Variants in MCTP2 observed in about 807,000 individuals in gnomAD.
MCTP2 encodes the protein multiple C2 and transmembrane domain-containing protein 2.
Under a neutral mutation model 111.6 loss-of-function variants are expected in MCTP2, and 132 were observed. The observed-to-expected ratio is 1.18, with a 90% CI of 1.03 to 1.37. The LOEUF (loss-of-function observed/expected upper bound fraction) is 1.37. Ranked by LOEUF, MCTP2 falls within the 40% of genes most tolerant of loss-of-function variation. The pLI is 0.00. For missense variants in MCTP2, 1,183 were observed against 1,067.9 expected (o/e 1.11, Z -1.50); for synonymous variants, 395 against 387.7 (o/e 1.02, Z -0.22).
chr15:94,242,649 TGTTA>T (rs2071060189), intron 1 of MCTP2, among the ~76,000 whole-genome samples: 1 of 152,036 alleles, frequency 6.6e-6, no homozygotes, highest in Non-Finnish European at 1.5e-5. Context: ...AACTTGAGGC[TGTTA>T]TTTTTAGAGA....
Position 94,322,263 on chromosome 15 carries a change from AG to A in MCTP2, c.637+6629del, listed in dbSNP as rs199766392. Among the ~76,000 whole-genome samples, 627 of 151,890 alleles carry A rather than the reference AG, an allele frequency of 4.1e-3. 20 individuals are homozygous for A. The highest frequency in any genetic ancestry group is 0.034 in the Admixed American group (518 of 15,252). ...TTGACCATGGAGGAGCAGCAGCTTT[AG>A]GGCCTTTAATTCCAATTGCACAGCC... On this transcript the variant is annotated intron_variant, in intron 4 of 22. Coordinates refer to ENST00000357742, the MANE Select transcript of MCTP2 (RefSeq NM_001385001.1).
chr15:94,336,676 C>CATATATATAT (rs10644556), intron 4 of MCTP2, among the ~76,000 whole-genome samples: 14 of 146,666 alleles, frequency 9.5e-5, no homozygotes, highest in African/African-American at 2.3e-4. Context: ...TTTTGCTTAG[C>CATATATATAT]ATATATATAT....
At chr15:94,314,805 C>T (rs1351156974) in intron 3 of MCTP2, 1 of 454,144 alleles carries the variant, frequency 2.2e-6, no homozygotes, top group Non-Finnish European at 4.4e-6. Flanking sequence ...TTGAATTCTA[C>T]AATATGGCCA....
chr15:94,308,515 G>T (rs1040320469), intron 2 of MCTP2, among the ~76,000 whole-genome samples: 1 of 152,206 alleles, frequency 6.6e-6, no homozygotes, highest in Non-Finnish European at 1.5e-5. Context: ...CAATTGGGGA[G>T]ACTAATGACA....
At chr15:94,245,639 T>C (rs553146591) in intron 1 of MCTP2, among the ~76,000 whole-genome samples, 16 of 146,384 alleles carry the variant, frequency 1.1e-4, no homozygotes, top group African/African-American at 3.5e-4. Flanking sequence ...CATATACTTA[T>C]ACATATACAT....
chr15:94,478,170 G>A (rs1272820722), intron 22 of MCTP2, among the ~76,000 whole-genome samples: 1 of 152,208 alleles, frequency 6.6e-6, no homozygotes, highest in Non-Finnish European at 1.5e-5. Context: ...ACCATCACTT[G>A]GGTCGCAGTG....
intron 1 of MCTP2, among the ~76,000 whole-genome samples, chr15:94,248,596 A>G (rs1054760540): frequency 6.6e-6 from 1 of 152,190 alleles, no homozygotes; most frequent in African/African-American, 2.4e-5. Context: ...TGTAAATGCC[A>G]CACTGTCCTG....
intron 1 of MCTP2, among the ~76,000 whole-genome samples, chr15:94,271,090 A>G (rs2073882515): frequency 6.6e-6 from 1 of 152,220 alleles, no homozygotes; most frequent in East Asian, 1.9e-4. Context: ...AGTCAGTTAC[A>G]ACAGTACTTC....
At chr15:94,455,075 G>C (rs966256906) in intron 19 of MCTP2, among the ~76,000 whole-genome samples, 7 of 152,208 alleles carry the variant, frequency 4.6e-5, no homozygotes, top group African/African-American at 1.7e-4. Flanking sequence ...GCCCGCCATG[G>C]CCTCCCAGAG....
intron 1 of MCTP2, among the ~76,000 whole-genome samples, chr15:94,254,825 T>G (rs898875414): frequency 1.3e-5 from 2 of 152,232 alleles, no homozygotes; most frequent in African/African-American, 4.8e-5. Flanking sequence ...AAATGATTGA[T>G]GAGTACTTAG....
At chr15:94,250,870 G>GGT (rs1313333165) in intron 1 of MCTP2, among the ~76,000 whole-genome samples, 1 of 152,164 alleles carries the variant, frequency 6.6e-6, no homozygotes, top group Non-Finnish European at 1.5e-5. Flanking sequence ...AATGTGAATT[G>GGT]GTGTTGGGTA....
chr15:94,345,792 A>G (rs1230788034), intron 8 of MCTP2, among the ~76,000 whole-genome samples: 2 of 152,236 alleles, frequency 1.3e-5, no homozygotes, highest in Non-Finnish European at 2.9e-5. Flanking sequence ...AAAAATAAAC[A>G]CAGCAAAAAA....
At chr15:94,371,525 A>C (rs1295601277) in intron 12 of MCTP2, among the ~76,000 whole-genome samples, 1 of 152,162 alleles carries the variant, frequency 6.6e-6, no homozygotes, top group African/African-American at 2.4e-5. Context: ...TTTTTCTCTC[A>C]GGAAATGTCT....
chr15:94,330,881 C>T (rs896995684), intron 4 of MCTP2, among the ~76,000 whole-genome samples: 14 of 151,586 alleles, frequency 9.2e-5, no homozygotes, highest in African/African-American at 2.7e-4. Flanking sequence ...ACAAAAGCTG[C>T]GCACCACCAT....
intron 1 of MCTP2, among the ~76,000 whole-genome samples, chr15:94,244,289 CAT>C (rs976491248): frequency 4.8e-5 from 7 of 147,284 alleles, no homozygotes; most frequent in East Asian, 2.0e-4. Flanking sequence ...TATACACATA[CAT>C]ATGTGTATAT....
intron 1 of MCTP2, among the ~76,000 whole-genome samples, chr15:94,243,024 T>G (rs552449849): frequency 1.4e-5 from 1 of 73,904 alleles, no homozygotes; most frequent in African/African-American, 5.7e-5. Flanking sequence ...TGTATATGTG[T>G]ATCTACACAT....
At chr15:94,318,803 T>C (rs1442801904) in intron 4 of MCTP2, among the ~76,000 whole-genome samples, 2 of 152,244 alleles carry the variant, frequency 1.3e-5, no homozygotes, top group Non-Finnish European at 2.9e-5. Context: ...ACAATAGGGC[T>C]TATGTGCACT....
intron 4 of MCTP2, among the ~76,000 whole-genome samples, chr15:94,329,811 T>C (rs1268731808): frequency 6.6e-6 from 1 of 152,210 alleles, no homozygotes; most frequent in African/African-American, 2.4e-5. Flanking sequence ...TATTTGTGTG[T>C]GGTAAGAGCA....
chr15:94,389,468 A>C (rs993314192), intron 14 of MCTP2, among the ~76,000 whole-genome samples: 1 of 152,212 alleles, frequency 6.6e-6, no homozygotes, highest in Non-Finnish European at 1.5e-5. Flanking sequence ...TTTCGGCTCT[A>C]GTATGAAGCA....
Sources: gnomAD v4.1 joint callset for allele counts (sites outside exome capture counted in the v4.1 genomes callset) on GRCh38, gnomAD v4.1.1 for gene constraint, MANE v1.5 for transcripts, NCBI Gene and HGNC (gene_info 2026-07-23, HGNC 2026-07-21) for gene names.